LCA5L: variants seen among roughly 807,000 people sequenced by gnomAD.
The protein encoded by LCA5L is lebercilin-like protein.
Under a neutral mutation model 45.4 loss-of-function variants are expected in LCA5L, and 35 were observed. The ratio of observed to expected loss-of-function variants is 0.77; its 90% confidence interval spans 0.59 to 1.02. The LOEUF (loss-of-function observed/expected upper bound fraction) is 1.02, where lower values mean the gene tolerates loss of function less well. Ranked by LOEUF, LCA5L falls within the 50% of genes least tolerant of loss-of-function variation. The probability of loss-of-function intolerance (pLI) is 0.00; values close to 1 mark genes in which losing one functional copy is unlikely to be tolerated. For missense variants in LCA5L, 668 were observed against 761.6 expected (o/e 0.88, Z 1.45); for synonymous variants, 233 against 264.7 (o/e 0.88, Z 1.16).
At position 39,424,021 on chromosome 21, in the gene LCA5L, A is replaced by AT. The variant is rs201750599; in HGVS notation, c.323-532dup. Among the ~76,000 whole-genome samples, 347 of 150,956 alleles carry AT rather than the reference A, an allele frequency of 2.3e-3. 1 individual carries two copies. Among genetic ancestry groups the AT allele is most frequent in the African/African-American group, 7.5e-3 (310 of 41,220 alleles). On this transcript the variant is annotated intron_variant, in intron 5 of 10. Coordinates refer to ENST00000288350, the MANE Select transcript of LCA5L (RefSeq NM_152505.4). ...ACAATTTTTTTAAATGTTTATTTTTATTTTTTTTTGAGATGGAGTCTCCCT... is the reference window on the plus strand; with the variant it reads ...ACAATTTTTTTAAATGTTTATTTTTATTTTTTTTTTGAGATGGAGTCTCCCT...
chr21:39,410,397 A>G, intron 8 of LCA5L, 30 bp from the exon 9 acceptor site: 1 of 1,128,054 alleles, frequency 8.9e-7, no homozygotes, highest in Non-Finnish European at 1.3e-6. Context: ...TATGTAAGAA[A>G]CATATTTTAC....
At chr21:39,423,907 C>T (rs990068553) in intron 5 of LCA5L, among the ~76,000 whole-genome samples, 5 of 152,186 alleles carry the variant, frequency 3.3e-5, no homozygotes, top group Non-Finnish European at 5.9e-5. Flanking sequence ...GTAATCTCTA[C>T]ACTTTGGGAG....
intron 7 of LCA5L, among the ~76,000 whole-genome samples, chr21:39,420,189 T>C (rs1487707133): frequency 2.0e-5 from 3 of 152,114 alleles, no homozygotes; most frequent in Non-Finnish European, 4.4e-5. Flanking sequence ...TCTGTTCATA[T>C]GATTGTAGAG....
At chr21:39,421,680 A>C (rs1381620013) in intron 6 of LCA5L, 1 of 152,220 alleles carries the variant, frequency 6.6e-6, no homozygotes, top group Non-Finnish European at 1.5e-5. Flanking sequence ...GACCTCCTCC[A>C]TTATAACAGC....
rs149477071 is a variant in LCA5L, at chr21:39,423,474, T to C, written c.339A>G (p.Ser113=). Residue 113 remains serine, a synonymous_variant, in exon 6 of 11, where the codon TCA becomes TCG. Coordinates refer to ENST00000288350, the MANE Select transcript of LCA5L (RefSeq NM_152505.4). ...ISQSKGQKEI[S]VEKKHTWNAS... ...CATTCCAGGTGTGCTTTTTTTCAAC[T>C]GATATTTCCTTCTGGCCTGTGTAAG... The C allele has an allele frequency of 3.2e-3, 4,929 of 1,563,696 alleles. 11 individuals are homozygous for C. Among genetic ancestry groups the C allele is most frequent in the Non-Finnish European group, 3.8e-3 (4,383 of 1,162,964 alleles).
rs76009128 is a variant in LCA5L, at chr21:39,407,511, T to A, written c.1283-899A>T. Among the ~76,000 whole-genome samples the A allele has an allele frequency of 2.7e-3, 411 of 152,316 alleles. 5 individuals carry two copies. Among genetic ancestry groups the A allele is most frequent in the African/African-American group, 9.4e-3 (389 of 41,572 alleles). On this transcript the variant is annotated intron_variant, in intron 10 of 10. Transcript: ENST00000288350. ...AGGATAAGTGCAACGATGTTCACTG[T>A]GGCGTGGGTTAGTAACAATAAAACC...
intron 2 of LCA5L, among the ~76,000 whole-genome samples, chr21:39,440,152 A>G (rs1176043431): frequency 6.6e-6 from 1 of 152,186 alleles, no homozygotes; most frequent in Non-Finnish European, 1.5e-5. Flanking sequence ...CACCCCAGAA[A>G]CAATGAGTAC....
intron 8 of LCA5L, among the ~76,000 whole-genome samples, chr21:39,411,305 A>G (rs940849290): frequency 6.6e-6 from 1 of 152,192 alleles, no homozygotes; most frequent in African/African-American, 2.4e-5. Flanking sequence ...CTCCATCGGT[A>G]TAAACATCTG....
Position 39,406,549 on chromosome 21 carries a change from T to G in LCA5L, c.1346A>C (p.Lys449Thr), listed in dbSNP as rs2039088733. The G allele has an allele frequency of 2.5e-6, 4 of 1,611,380 alleles. No individual in the cohort carries two copies. Among genetic ancestry groups the G allele is most frequent in the Non-Finnish European group, 3.4e-6 (4 of 1,179,002 alleles). The change falls in exon 11 of 11, where the codon AAA becomes ACA. Residue 449 changes from lysine to threonine, a missense_variant. Lys to Thr is a moderately conservative substitution (Grantham distance 78). Transcript: ENST00000288350. ...CTTTTCTTGGTCTTCTTTTTTGTCT[T>G]TTTGTCTTCCAGTATTCTCCAGCAG... ...QILLENTGRQ[K>T]DKKEDQEKKN...
At chr21:39,423,572 T>C (rs1220343478) in intron 5 of LCA5L, 82 bp from the exon 6 acceptor site, 21 of 1,233,712 alleles carry the variant, frequency 1.7e-5, no homozygotes, top group Non-Finnish European at 2.2e-5. Flanking sequence ...CTCTCTCCCA[T>C]GCCCCCATGC....
At chr21:39,445,046 A>G (rs564944735) in intron 1 of LCA5L, among the ~76,000 whole-genome samples, 67 of 151,962 alleles carry the variant, frequency 4.4e-4, no homozygotes, top group Non-Finnish European at 7.8e-4. Flanking sequence ...GGATGAGTTC[A>G]TCTAGGGATT....
chr21:39,414,740 CTCTGTGTGTG>C (rs1345994694), intron 7 of LCA5L, among the ~76,000 whole-genome samples: 34 of 104,114 alleles, frequency 3.3e-4, no homozygotes, highest in African/African-American at 1.1e-3. Context: ...CTCTCTCTCT[CTCTGTGTGTG>C]TGTGTGTGTG....
rs772884701 is a variant in LCA5L, at chr21:39,423,504, A to G, written c.323-14T>C. 4 of 1,531,758 alleles carry G rather than the reference A, an allele frequency of 2.6e-6. No homozygotes were observed. Among genetic ancestry groups the G allele is most frequent in the Admixed American group, 4.4e-5 (2 of 45,246 alleles). The allele number at this position is 1,531,758 out of a possible 1,614,324, so 94.9% of individuals were successfully genotyped here. A position where few individuals can be genotyped will look rare whatever the true frequency, so the allele number is the denominator to read the frequency against. Reference sequence around the variant, plus strand: ...TTTCCTTCTGGCCTGTGTAAGCAGAAAATCCAGTTTATTACTAGTAAAATA... The same window carrying G: ...TTTCCTTCTGGCCTGTGTAAGCAGAGAATCCAGTTTATTACTAGTAAAATA... On this transcript the variant is annotated splice_polypyrimidine_tract_variant and intron_variant, in intron 5 of 10. Transcript: ENST00000288350.
intron 2 of LCA5L, among the ~76,000 whole-genome samples, chr21:39,439,315 TC>T (rs1169698351): frequency 1.3e-5 from 2 of 152,214 alleles, no homozygotes; most frequent in African/African-American, 2.4e-5. Context: ...CCTGCTGACA[TC>T]CTAACTTTAG....
intron 2 of LCA5L, among the ~76,000 whole-genome samples, chr21:39,442,120 A>G (rs2076924043): frequency 6.6e-6 from 1 of 152,230 alleles, no homozygotes; most frequent in African/African-American, 2.4e-5. Context: ...GCGATCAGGG[A>G]AGTTATCCCT....
Position 39,414,738 on chromosome 21 carries a change from CTCTCTGTGTGTGTG to C in LCA5L, c.976-2950_976-2937del, listed in dbSNP as rs1157816173. ...CCTCTCTCTCTCTCTCTCTCTCTCT[CTCTCTGTGTGTGTG>C]TGTGTGTGTGTGTGTGTGTGTGTGT... On this transcript the variant is annotated intron_variant, in intron 7 of 10. Transcript: ENST00000288350. 2.5e-4 allele frequency among the ~76,000 whole-genome samples: 27 copies of C among 107,376 alleles called. No individual in the cohort carries two copies. The East Asian group carries it at 3.2e-3, about 13-fold the overall frequency. The allele number at this position is 107,376 out of a possible 152,430, so 70.4% of individuals were successfully genotyped here.
At chr21:39,420,983 A>G in intron 6 of LCA5L, 140 bp from the exon 7 acceptor site, 1 of 558,424 alleles carries the variant, frequency 1.8e-6, no homozygotes, top group Non-Finnish European at 3.0e-6. Flanking sequence ...GGGGACATAT[A>G]TTGGAATGAA....
At chr21:39,440,325 T>A (rs971167503) in intron 2 of LCA5L, among the ~76,000 whole-genome samples, 5 of 152,088 alleles carry the variant, frequency 3.3e-5, no homozygotes, top group African/African-American at 1.2e-4. Context: ...TAGTCAAAGA[T>A]AGGGCAATTT....
rs549811035 is a variant in LCA5L, at chr21:39,419,534, AAG to A, written c.975+1170_975+1171del. The stretch of plus-strand genomic sequence containing the variant: ...AGCAAGACCCTGTTCAAAAAAAAAA[AAG>A]AAAAAAGAAAAAAGAAAGAAAGGGA... On this transcript the variant is annotated intron_variant, in intron 7 of 10. Transcript: ENST00000288350. 8.7e-3 allele frequency among the ~76,000 whole-genome samples: 1,201 copies of A among 138,092 alleles called. 31 individuals are homozygous for A. The highest frequency in any genetic ancestry group is 0.039 in the African/African-American group (1,139 of 29,406). The allele number at this position is 138,092 out of a possible 152,430, so 90.6% of individuals were successfully genotyped here. A position where few individuals can be genotyped will look rare whatever the true frequency, so the allele number is the denominator to read the frequency against.
Sources: gnomAD v4.1 joint callset for allele counts (sites outside exome capture counted in the v4.1 genomes callset) on GRCh38, gnomAD v4.1.1 for gene constraint, MANE v1.5 for transcripts, NCBI Gene and HGNC (gene_info 2026-07-23, HGNC 2026-07-21) for gene names.